FOXP1: variants seen among roughly 807,000 people sequenced by gnomAD.
The protein encoded by FOXP1 is forkhead box protein P1.
FOXP1 carries 15 observed loss-of-function variants against 98.2 expected under a neutral mutation model. The observed-to-expected ratio is 0.15, with a 90% CI of 0.10 to 0.24. The LOEUF (loss-of-function observed/expected upper bound fraction) is 0.24. Ranked by LOEUF, FOXP1 falls within the 10% of genes least tolerant of loss-of-function variation. The pLI, the probability that FOXP1 is intolerant of heterozygous loss-of-function variation, is 1.00. For missense variants in FOXP1, 633 were observed against 848.5 expected (o/e 0.75, Z 3.15); for synonymous variants, 371 against 314.5 (o/e 1.18, Z -1.90).
intron 3 of FOXP1, among the ~76,000 whole-genome samples, chr3:71,362,155 A>C (rs534316077): frequency 1.3e-5 from 2 of 152,258 alleles, no homozygotes; most frequent in Non-Finnish European, 2.9e-5. Flanking sequence ...CTGAATGAAA[A>C]TTTGTGTTTT....
intron 11 of FOXP1, among the ~76,000 whole-genome samples, chr3:71,016,640 G>A (rs2044528715): frequency 6.9e-6 from 1 of 145,556 alleles, no homozygotes; most frequent in South Asian, 2.2e-4. Flanking sequence ...CAAGCACAAT[G>A]AATGATGATT....
intron 3 of FOXP1, among the ~76,000 whole-genome samples, chr3:71,440,564 G>A (rs2085835487): frequency 6.6e-6 from 1 of 152,064 alleles, no homozygotes; most frequent in African/African-American, 2.4e-5. Flanking sequence ...TGTAGTCCCA[G>A]CTACTTGGGA....
At chr3:71,325,323 G>A (rs2075627875) in intron 4 of FOXP1, among the ~76,000 whole-genome samples, 2 of 152,190 alleles carry the variant, frequency 1.3e-5, no homozygotes, top group Admixed American at 1.3e-4. Flanking sequence ...AAAGTGCTGG[G>A]ATTACAGGCG....
chr3:71,313,676 C>T (rs2074868587), intron 4 of FOXP1, among the ~76,000 whole-genome samples: 1 of 151,892 alleles, frequency 6.6e-6, no homozygotes, highest in African/African-American at 2.4e-5. Context: ...CAGGCACCAG[C>T]CACCATGCCC....
chr3:71,281,059 A>AAAGAAG (rs1553816204), intron 5 of FOXP1, among the ~76,000 whole-genome samples: 9 of 148,422 alleles, frequency 6.1e-5, no homozygotes, highest in African/African-American at 2.3e-4. Context: ...AAAAAAAAAA[A>AAAGAAG]AAGAAGAAGA....
chr3:71,358,901 A>AT (rs909598973), intron 4 of FOXP1, among the ~76,000 whole-genome samples: 1 of 152,090 alleles, frequency 6.6e-6, no homozygotes, highest in African/African-American at 2.4e-5. Context: ...CCCCTTACAA[A>AT]TTTTACCAAC....
intron 4 of FOXP1, among the ~76,000 whole-genome samples, chr3:71,302,365 C>T (rs2073917232): frequency 6.6e-6 from 1 of 151,798 alleles, no homozygotes; most frequent in African/African-American, 2.4e-5. Context: ...TCATTTTTTC[C>T]AAAGCATACA....
chr3:71,434,391 C>T (rs2085017854), intron 3 of FOXP1, among the ~76,000 whole-genome samples: 1 of 152,108 alleles, frequency 6.6e-6, no homozygotes, highest in African/African-American at 2.4e-5. Context: ...CTCCCAAGTC[C>T]CTCTTGCTGC....
chr3:71,197,826 G>C lies in FOXP1; in HGVS notation c.180+376C>G, dbSNP rs1190909261. 4 of 1,541,258 alleles carry C rather than the reference G, an allele frequency of 2.6e-6. No individual in the cohort carries two copies. The African/African-American group carries it at 4.1e-5, about 16-fold the overall frequency. ...CTTAGCTCTTATTTCCTTCTTCACA[G>C]GCTTAAGCCTGTTTTTCGTTTAATT... On this transcript the variant is annotated intron_variant, in intron 6 of 20. Transcript: ENST00000649528.
intron 2 of FOXP1, among the ~76,000 whole-genome samples, chr3:71,528,268 A>G (rs2043555489): frequency 6.6e-6 from 1 of 152,248 alleles, no homozygotes; most frequent in Non-Finnish European, 1.5e-5. Flanking sequence ...CCTAACTTTC[A>G]AACTCTCAGC....
chr3:71,577,312 C>A lies in FOXP1; in HGVS notation c.-298+4237G>T, dbSNP rs142854105. ...GAACATTATCTATGGGATGCAAAAC[C>A]AAAACACTTCTAGAAATCAAATATT... On this transcript the variant is annotated intron_variant, in intron 2 of 20. Transcript: ENST00000649528. Among the ~76,000 whole-genome samples the A allele has an allele frequency of 8.5e-5, 13 of 152,172 alleles. No homozygotes were observed. In the East Asian group the frequency reaches 1.9e-3, roughly 23 times the overall value.
chr3:71,060,872 T>A (rs903862518), intron 7 of FOXP1, among the ~76,000 whole-genome samples: 1 of 152,216 alleles, frequency 6.6e-6, no homozygotes, highest in African/African-American at 2.4e-5. Context: ...CTTCATTGAT[T>A]AGTTGCTTTT....
chr3:71,370,437 G>A (rs2079213576), intron 3 of FOXP1, among the ~76,000 whole-genome samples: 1 of 152,118 alleles, frequency 6.6e-6, no homozygotes, highest in African/African-American at 2.4e-5. Context: ...CATAGCACTT[G>A]TCCTTAAACA....
intron 5 of FOXP1, among the ~76,000 whole-genome samples, chr3:71,232,618 G>A (rs1332695038): frequency 6.6e-6 from 1 of 152,062 alleles, no homozygotes; most frequent in Non-Finnish European, 1.5e-5. Context: ...TAGGGTCAGG[G>A]CTGGGTGTGG....
chr3:71,071,885 TAACAAC>T (rs550610968), intron 7 of FOXP1, among the ~76,000 whole-genome samples: 3 of 152,072 alleles, frequency 2.0e-5, no homozygotes, highest in Admixed American at 6.5e-5. Flanking sequence ...CTCTGTAGTT[TAACAAC>T]AACAACAACA....
At chr3:70,985,296 G>C (rs2039544390) in intron 14 of FOXP1, among the ~76,000 whole-genome samples, 1 of 152,056 alleles carries the variant, frequency 6.6e-6, no homozygotes, top group Non-Finnish European at 1.5e-5. Flanking sequence ...AGACTGCAGG[G>C]AATATTTTGC....
At chr3:71,296,979 CAT>C (rs1218558531) in intron 5 of FOXP1, among the ~76,000 whole-genome samples, 5 of 152,210 alleles carry the variant, frequency 3.3e-5, no homozygotes, top group Non-Finnish European at 5.9e-5. Flanking sequence ...GGTACTGGCA[CAT>C]GTTTCTTGTA....
Position 71,575,953 on chromosome 3 carries a change from T to C in FOXP1, c.-298+5596A>G, listed in dbSNP as rs2047689394. Among the ~76,000 whole-genome samples, 10 of 152,292 alleles carry C rather than the reference T, an allele frequency of 6.6e-5. No individual in the cohort carries two copies. In the South Asian group the frequency reaches 2.1e-3, roughly 32 times the overall value. ...AAGTGAATCACAAAATTAGCTAAAATCAGAGCATCTGGTAAAATGTGGATG... is the reference window on the plus strand; with the variant it reads ...AAGTGAATCACAAAATTAGCTAAAACCAGAGCATCTGGTAAAATGTGGATG... On this transcript the variant is annotated intron_variant, in intron 2 of 20. Coordinates refer to ENST00000649528, the MANE Select transcript of FOXP1 (RefSeq NM_001349338.3).
intron 5 of FOXP1, among the ~76,000 whole-genome samples, chr3:71,266,691 C>CA (rs1273729846): frequency 9.9e-5 from 15 of 152,264 alleles, no homozygotes; most frequent in African/African-American, 3.6e-4. Flanking sequence ...AAATAGGGAC[C>CA]ACTGTATCCA....
Sources: gnomAD v4.1 joint callset for allele counts (sites outside exome capture counted in the v4.1 genomes callset) on GRCh38, gnomAD v4.1.1 for gene constraint, MANE v1.5 for transcripts, NCBI Gene and HGNC (gene_info 2026-07-23, HGNC 2026-07-21) for gene names.